The following CADM1 variants were observed in gnomAD, a reference collection of about 807,000 sequenced individuals.
The protein encoded by CADM1 is cell adhesion molecule 1.
CADM1 carries 15 observed loss-of-function variants against 53.1 expected under a neutral mutation model. That is an observed-to-expected ratio of 0.28 (90% CI 0.19 to 0.44). The LOEUF is 0.44. CADM1 is among the 20% of genes least tolerant of loss of function. The pLI, the probability that CADM1 is intolerant of heterozygous loss-of-function variation, is 1.00. For synonymous variants in CADM1, 281 were observed against 243.0 expected (o/e 1.16, Z -1.45); for missense variants, 434 against 611.3 (o/e 0.71, Z 3.06).
intron 1 of CADM1, among the ~76,000 whole-genome samples, chr11:115,306,996 C>T (rs1229210832): frequency 2.0e-5 from 3 of 151,870 alleles, no homozygotes; most frequent in Non-Finnish European, 4.4e-5. Flanking sequence ...TGCAGGGTAG[C>T]ATGGAGTGAG....
intron 5 of CADM1, among the ~76,000 whole-genome samples, chr11:115,225,099 A>G (rs906341655): frequency 6.6e-6 from 1 of 152,144 alleles, no homozygotes; most frequent in African/African-American, 2.4e-5. Context: ...CTGCTGCTGT[A>G]CCCTTGCTGA....
At chr11:115,276,639 G>A (rs573772823) in intron 1 of CADM1, among the ~76,000 whole-genome samples, 29 of 152,242 alleles carry the variant, frequency 1.9e-4, no homozygotes, top group Non-Finnish European at 3.2e-4. Flanking sequence ...TAAAACTCTG[G>A]AGGGCAAGAA....
intron 1 of CADM1, among the ~76,000 whole-genome samples, chr11:115,262,960 G>T (rs1458168420): frequency 6.6e-6 from 1 of 152,134 alleles, no homozygotes; most frequent in African/African-American, 2.4e-5. Flanking sequence ...GATGAATGTT[G>T]GTACAACACT....
rs191855853 is a variant in CADM1, at chr11:115,352,364, C to T, written c.125-111944G>A. ...TAGTGCCCTGCATTTAAGAAGCAATCCTCACGCACTTGTGCAAGAATGAAT... is the reference window on the plus strand; with the variant it reads ...TAGTGCCCTGCATTTAAGAAGCAATTCTCACGCACTTGTGCAAGAATGAAT... On this transcript the variant is annotated intron_variant, in intron 1 of 11. Transcript: ENST00000331581. Among the ~76,000 whole-genome samples, 620 of 152,298 alleles carry T rather than the reference C, an allele frequency of 4.1e-3. 8 individuals carry two copies. The highest frequency in any genetic ancestry group is 5.0e-3 in the Non-Finnish European group (343 of 68,018).
chr11:115,370,560 A>G (rs1343831103), intron 1 of CADM1, among the ~76,000 whole-genome samples: 1 of 152,208 alleles, frequency 6.6e-6, no homozygotes, highest in African/African-American at 2.4e-5. Context: ...AAACACACAG[A>G]GAGATGCTGG....
intron 1 of CADM1, among the ~76,000 whole-genome samples, chr11:115,320,138 A>G (rs1944782788): frequency 6.6e-6 from 1 of 152,072 alleles, no homozygotes; most frequent in Admixed American, 6.6e-5. Flanking sequence ...ATCATAGCTC[A>G]CTGCAGCCTA....
intron 8 of CADM1, among the ~76,000 whole-genome samples, chr11:115,205,177 G>T (rs913222906): frequency 1.3e-5 from 2 of 152,076 alleles, no homozygotes; most frequent in Non-Finnish European, 2.9e-5. Context: ...GTTGCTAAGG[G>T]TATTTAAAAC....
chr11:115,494,711 C>T (rs538709438), intron 1 of CADM1, among the ~76,000 whole-genome samples: 1 of 151,994 alleles, frequency 6.6e-6, no homozygotes, highest in Admixed American at 6.6e-5. Flanking sequence ...TTAGCAGTAG[C>T]CAGAGAAATA....
intron 1 of CADM1, among the ~76,000 whole-genome samples, chr11:115,425,349 A>G (rs908157782): frequency 2.0e-5 from 3 of 152,268 alleles, no homozygotes; most frequent in Non-Finnish European, 4.4e-5. Context: ...GTATCAAATG[A>G]GAACAGGCTC....
intron 1 of CADM1, among the ~76,000 whole-genome samples, chr11:115,335,038 A>G (rs985316062): frequency 2.1e-4 from 32 of 152,228 alleles, no homozygotes; most frequent in South Asian, 2.1e-4. Context: ...AAATCACTCC[A>G]AGTCCTTAAA....
intron 1 of CADM1, among the ~76,000 whole-genome samples, chr11:115,350,690 CTG>C: frequency 6.6e-6 from 1 of 151,740 alleles, no homozygotes; most frequent in African/African-American, 2.4e-5. Context: ...GAATTAAACA[CTG>C]TATTTCATGC....
chr11:115,210,605 A>G (rs184725252), intron 7 of CADM1, among the ~76,000 whole-genome samples: 12 of 152,368 alleles, frequency 7.9e-5, no homozygotes, highest in Middle Eastern at 3.4e-3. Context: ...TCATTCTGCT[A>G]TAATAGAGCA....
At chr11:115,210,409 A>AAG (rs1940904623) in intron 7 of CADM1, among the ~76,000 whole-genome samples, 1 of 152,208 alleles carries the variant, frequency 6.6e-6, no homozygotes. Flanking sequence ...ATGAGACTCG[A>AAG]CCTTCAAAGC....
intron 1 of CADM1, among the ~76,000 whole-genome samples, chr11:115,345,663 T>C (rs1945557426): frequency 6.6e-6 from 1 of 152,232 alleles, no homozygotes; most frequent in Admixed American, 6.5e-5. Flanking sequence ...ACAACTGAGC[T>C]GGCAAGTACT....
chr11:115,413,713 T>C (rs1389863905), intron 1 of CADM1, among the ~76,000 whole-genome samples: 1 of 150,810 alleles, frequency 6.6e-6, no homozygotes, highest in Non-Finnish European at 1.5e-5. Flanking sequence ...GGTGCAATCT[T>C]GGCTCACTGC....
intron 9 of CADM1, 113 bp downstream of exon 9, chr11:115,198,293 G>T: frequency 1.3e-6 from 1 of 764,940 alleles, no homozygotes; most frequent in Non-Finnish European, 2.2e-6. Flanking sequence ...TATTTATGAG[G>T]TCAGTCTACT....
chr11:115,298,441 T>C (rs1022328070), intron 1 of CADM1, among the ~76,000 whole-genome samples: 7 of 152,176 alleles, frequency 4.6e-5, no homozygotes, highest in African/African-American at 1.4e-4. Context: ...CCTATTTTCA[T>C]GGCTTGGGGC....
In CADM1 at chr11:115,290,663, C is replaced by T. The variant is rs200329356; in HGVS notation, c.125-50243G>A. On this transcript the variant is annotated intron_variant, in intron 1 of 11. Coordinates refer to ENST00000331581, the MANE Select transcript of CADM1 (RefSeq NM_001301043.2). ...TAAAACACACACTGATGGGCTTGAG[C>T]TGTTGATGGCTGGGGAGATAAGGAA... 4.6e-5 allele frequency among the ~76,000 whole-genome samples: 7 copies of T among 152,252 alleles called. No individual in the cohort carries two copies. In the East Asian group the frequency reaches 1.4e-3, roughly 29 times the overall value.
intron 1 of CADM1, among the ~76,000 whole-genome samples, chr11:115,394,956 C>T (rs139660494): frequency 6.4e-4 from 98 of 152,196 alleles, no homozygotes; most frequent in African/African-American, 2.3e-3. Context: ...ACTTTTATAG[C>T]ATGTTCTTAT....
Sources: allele counts gnomAD v4.1 joint callset (sites outside exome capture counted in the v4.1 genomes callset), GRCh38; gene constraint gnomAD v4.1.1; transcripts MANE v1.5; gene names NCBI Gene and HGNC (gene_info 2026-07-23, HGNC 2026-07-21).